Variants in HIVEP3 observed in about 807,000 individuals in gnomAD.
HIVEP3 encodes transcription factor HIVEP3.
In HIVEP3, 49 loss-of-function variants were observed where a neutral mutation model predicts 152.8. The observed-to-expected ratio is 0.32, with a 90% CI of 0.26 to 0.41. HIVEP3 has a LOEUF of 0.41. Ranked by LOEUF, HIVEP3 falls within the 10% of genes least tolerant of loss-of-function variation. The pLI, the probability that HIVEP3 is intolerant of heterozygous loss-of-function variation, is 1.00. For missense variants in HIVEP3, 2,790 were observed against 3,103.3 expected (o/e 0.90, Z 2.40); for synonymous variants, 1,269 against 1,289.0 (o/e 0.98, Z 0.33).
chr1:41,782,079 A>C (rs1649080517), intron 1 of HIVEP3, among the ~76,000 whole-genome samples: 1 of 152,250 alleles, frequency 6.6e-6, no homozygotes, highest in South Asian at 2.1e-4. Flanking sequence ...GAATCGTTCA[A>C]CCAAATGTGG....
intron 1 of HIVEP3, among the ~76,000 whole-genome samples, chr1:41,995,704 G>A (rs1193461690): frequency 8.5e-5 from 13 of 152,360 alleles, no homozygotes; most frequent in Non-Finnish European, 4.4e-5. Flanking sequence ...AGGGAGGTAA[G>A]TGGAGTTAAT....
intron 1 of HIVEP3, among the ~76,000 whole-genome samples, chr1:41,993,167 A>G (rs538601791): frequency 2.0e-5 from 3 of 150,934 alleles, no homozygotes; most frequent in Non-Finnish European, 4.5e-5. Flanking sequence ...ATTAAACTAA[A>G]GAGCTTCTGT....
intron 1 of HIVEP3, among the ~76,000 whole-genome samples, chr1:41,865,896 C>A (rs779821240): frequency 6.6e-6 from 1 of 152,176 alleles, no homozygotes; most frequent in Non-Finnish European, 1.5e-5. Flanking sequence ...AACCACATAA[C>A]ACGGAGCTTT....
chr1:41,529,159 T>TCCA (rs1643144560), intron 5 of HIVEP3, among the ~76,000 whole-genome samples: 1 of 71,270 alleles, frequency 1.4e-5, no homozygotes, highest in Non-Finnish European at 2.6e-5. Context: ...ACCCTCACCC[T>TCCA]CACACATGCT....
At position 41,956,250 on chromosome 1, in the gene HIVEP3, G is replaced by A. The variant is rs1321206381; in HGVS notation, n.120-37726C>T. On this transcript the variant is annotated intron_variant and non_coding_transcript_variant, in intron 1 of 3. Transcript: ENST00000489103. ...TGCATCTGTTGAGGCCTGACAGGCA[G>A]AGAAACTAAGGAACATAAGCACACA... 3.3e-5 allele frequency among the ~76,000 whole-genome samples: 5 copies of A among 152,262 alleles called. No individual in the cohort carries two copies. In the East Asian group the frequency reaches 9.6e-4, roughly 29 times the overall value.
At chr1:41,806,191 C>A (rs542613593) in intron 1 of HIVEP3, among the ~76,000 whole-genome samples, 2 of 152,350 alleles carry the variant, frequency 1.3e-5, no homozygotes, top group South Asian at 4.1e-4. Context: ...GCCACCAAGG[C>A]CCCTCTCAGC....
At chr1:41,618,930 C>G (rs776794595) in intron 3 of HIVEP3, among the ~76,000 whole-genome samples, 1 of 152,236 alleles carries the variant, frequency 6.6e-6, no homozygotes, top group African/African-American at 2.4e-5. Flanking sequence ...CCATGGCCCC[C>G]GCAGTTGCCA....
chr1:41,768,262 C>A (rs146805714), intron 1 of HIVEP3, among the ~76,000 whole-genome samples: 1 of 152,160 alleles, frequency 6.6e-6, no homozygotes, highest in African/African-American at 2.4e-5. Context: ...TGGATGACAG[C>A]GGACAAGGAG....
At chr1:41,966,566 T>C (rs187176570) in intron 1 of HIVEP3, among the ~76,000 whole-genome samples, 226 of 142,000 alleles carry the variant, frequency 1.6e-3, no homozygotes, top group African/African-American at 5.1e-3. Context: ...CCCCGCCTCC[T>C]GGGTTCACGC....
intron 3 of HIVEP3, among the ~76,000 whole-genome samples, chr1:41,615,738 C>T (rs1203158366): frequency 3.4e-5 from 5 of 148,734 alleles, no homozygotes; most frequent in South Asian, 4.2e-4. Context: ...TTCAGGATGA[C>T]GGTCACTCCT....
intron 6 of HIVEP3, among the ~76,000 whole-genome samples, chr1:41,524,504 G>T (rs1361870657): frequency 6.6e-6 from 1 of 152,208 alleles, no homozygotes; most frequent in Non-Finnish European, 1.5e-5. Context: ...CACAGGTGCA[G>T]GGGCTGTGTG....
At chr1:41,558,762 A>G (rs1049346217) in intron 5 of HIVEP3, among the ~76,000 whole-genome samples, 2 of 151,838 alleles carry the variant, frequency 1.3e-5, no homozygotes, top group Non-Finnish European at 2.9e-5. Flanking sequence ...GTCTCTAAAA[A>G]CTTTGTCCAG....
intron 2 of HIVEP3, among the ~76,000 whole-genome samples, chr1:41,684,089 G>A (rs1056236863): frequency 1.3e-5 from 2 of 152,222 alleles, no homozygotes; most frequent in South Asian, 2.1e-4. Context: ...TTTGACAAAT[G>A]TGGAAACTGA....
chr1:41,702,357 A>T (rs74070551), intron 1 of HIVEP3, among the ~76,000 whole-genome samples: 1 of 152,174 alleles, frequency 6.6e-6, no homozygotes, highest in Non-Finnish European at 1.5e-5. Context: ...ATTTGTATCC[A>T]CACTTAAAAT....
At chr1:41,586,036 T>C (rs1012369515) in intron 3 of HIVEP3, among the ~76,000 whole-genome samples, 2 of 152,226 alleles carry the variant, frequency 1.3e-5, no homozygotes, top group African/African-American at 4.8e-5. Context: ...ACTTACAATC[T>C]GACACAGCTG....
At chr1:41,594,266 A>C (rs1239650460) in intron 3 of HIVEP3, among the ~76,000 whole-genome samples, 10 of 152,200 alleles carry the variant, frequency 6.6e-5, no homozygotes, top group South Asian at 6.2e-4. Flanking sequence ...TCTGTTGCCC[A>C]GGATGGAGTG....
At chr1:41,965,201 A>G (rs1174552170) in intron 1 of HIVEP3, among the ~76,000 whole-genome samples, 2 of 152,214 alleles carry the variant, frequency 1.3e-5, no homozygotes, top group South Asian at 2.1e-4. Context: ...AAACAAAGAG[A>G]AAGAAACAAC....
intron 1 of HIVEP3, among the ~76,000 whole-genome samples, chr1:41,880,695 C>T (rs575861709): frequency 6.6e-6 from 1 of 152,264 alleles, no homozygotes; most frequent in African/African-American, 2.4e-5. Context: ...GGTCTCCAGA[C>T]ATGAGGCAGT....
intron 3 of HIVEP3, among the ~76,000 whole-genome samples, chr1:41,618,121 TG>T: frequency 6.6e-6 from 1 of 152,334 alleles, no homozygotes; most frequent in Non-Finnish European, 1.5e-5. Context: ...TGCCCTGTGC[TG>T]GGTGCTGGCC....
Sources: gnomAD v4.1 joint callset for allele counts (sites outside exome capture counted in the v4.1 genomes callset) on GRCh38, gnomAD v4.1.1 for gene constraint, MANE v1.5 for transcripts, NCBI Gene and HGNC (gene_info 2026-07-23, HGNC 2026-07-21) for gene names.